The following EIF4G1 variants were observed in gnomAD, a reference collection of about 807,000 sequenced individuals.
EIF4G1 encodes eukaryotic translation initiation factor 4 gamma 1, also known as EIF4-gamma.
EIF4G1 carries 4 observed loss-of-function variants against 187.8 expected under a neutral mutation model. The ratio of observed to expected loss-of-function variants is 0.02; its 90% CI spans 0.01 to 0.05. The LOEUF is 0.05. EIF4G1 is among the 10% of genes least tolerant of loss of function. The probability of loss-of-function intolerance (pLI) is 1.00; values close to 1 mark genes in which losing one functional copy is unlikely to be tolerated. For synonymous variants in EIF4G1, 844 were observed against 781.4 expected (o/e 1.08, Z -1.34); for missense variants, 1,647 against 2,081.1 (o/e 0.79, Z 4.06).
At chr3:184,321,108 GT>G (rs1723827416) in intron 9 of EIF4G1, 115 bp downstream of exon 9, 2 of 1,507,486 alleles carry the variant, frequency 1.3e-6, no homozygotes, top group Non-Finnish European at 1.8e-6. Flanking sequence ...TAGATTTCAG[GT>G]TGTGGGATTT....
intron 17 of EIF4G1, among the ~76,000 whole-genome samples, 196 bp downstream of exon 17, chr3:184,324,543 T>A (rs571419355): frequency 6.6e-6 from 1 of 152,216 alleles, no homozygotes; most frequent in South Asian, 2.1e-4. Context: ...TTGGCTAGCC[T>A]CCACCTCCTG....
intron 28 of EIF4G1, among the ~76,000 whole-genome samples, chr3:184,329,994 C>G (rs1008477953): frequency 1.3e-5 from 2 of 152,196 alleles, no homozygotes; most frequent in Admixed American, 6.5e-5. Flanking sequence ...TGTACCAGGA[C>G]AAGTTGTTTT....
Position 184,325,832 on chromosome 3 carries a change from G to T in EIF4G1, c.3122-19G>T. The T allele has an allele frequency of 6.2e-7, 1 of 1,614,084 alleles. No homozygotes were observed. Among genetic ancestry groups the T allele is most frequent in the Non-Finnish European group, 8.5e-7 (1 of 1,179,954 alleles). ...TAGGATTTATTCATTATTCCAGTAT[G>T]CCCCTCTTTTTGTGTCAGGCCGTGG... On this transcript the variant is annotated intron_variant, in intron 20 of 32. Transcript: ENST00000346169. This position sits in a 1 kb window ranked among gnomAD's most constrained non-coding sequence, Gnocchi z 5.2.
rs1302181822 is a variant in EIF4G1, at chr3:184,335,301, CA to C, written c.*394del. On this transcript the variant is annotated 3_prime_UTR_variant, in exon 33 of 33. Coordinates refer to ENST00000346169, the MANE Select transcript of EIF4G1 (RefSeq NM_198241.3). Reference sequence around the variant, plus strand: ...TGTACCACCCCTGCTGTTGCCTGGGCAGGGGGAAGGGGGGGCACGGTGCCTG... The same window carrying C: ...TGTACCACCCCTGCTGTTGCCTGGGCGGGGGAAGGGGGGGCACGGTGCCTG... The C allele has an allele frequency of 8.2e-6, 2 of 243,432 alleles. No individual in the cohort carries two copies. The allele number at this position is 243,432 out of a possible 1,614,324, so 15.1% of individuals were successfully genotyped here. A position where few individuals can be genotyped will look rare whatever the true frequency, so the allele number is the denominator to read the frequency against.
rs1393723249 is a variant in EIF4G1 at position 184,325,716 on chromosome 3, T to C, written c.3121+77T>C. 1.2e-6 allele frequency: 2 copies of C among 1,612,406 alleles called. No homozygotes were observed. Among genetic ancestry groups the C allele is most frequent in the Non-Finnish European group, 1.7e-6 (2 of 1,178,662 alleles). On this transcript the variant is annotated intron_variant, in intron 20 of 32. Coordinates refer to ENST00000346169, the MANE Select transcript of EIF4G1 (RefSeq NM_198241.3). This position sits in a 1 kb window ranked among gnomAD's most constrained non-coding sequence, Gnocchi z 5.2. Reference sequence around the variant, plus strand: ...ATACTTTCCTCTGATGACTTCCTGTTAGTGCCACGTGTCTGGGCCACTGAG... The same window carrying C: ...ATACTTTCCTCTGATGACTTCCTGTCAGTGCCACGTGTCTGGGCCACTGAG...
At chr3:184,315,687 C>G in intron 2 of EIF4G1, 76 bp from the exon 3 acceptor site, 1 of 1,112,336 alleles carries the variant, frequency 9.0e-7, no homozygotes, top group East Asian at 2.6e-5. Context: ...CCAGCCCTTG[C>G]ATCAACCCTT....
In EIF4G1 at chr3:184,323,153, C is replaced by T. The variant is rs746117763; in HGVS notation, c.2000C>T (p.Thr667Ile). Residue 667 changes from threonine (T) to isoleucine (I), a missense_variant, in exon 14 of 33, where the codon ACT becomes ATT. Transcript: ENST00000346169. This position sits in a 1 kb window ranked among gnomAD's most constrained non-coding sequence, Gnocchi z 6.9. ...LQGINCGPDFTPSFANLGRTT... is the reference protein window; with the variant it reads ...LQGINCGPDFIPSFANLGRTT... ...GGCATAAATTGTGGCCCAGACTTCA[C>T]TCCATCCTTTGCCAACCTTGGCCGG... 1 of 1,614,256 alleles carries T rather than the reference C, an allele frequency of 6.2e-7. No individual in the cohort carries two copies. Among genetic ancestry groups the T allele is most frequent in the Non-Finnish European group, 8.5e-7 (1 of 1,180,050 alleles).
chr3:184,329,167 A>G, intron 28 of EIF4G1, 177 bp downstream of exon 28: 1 of 725,248 alleles, frequency 1.4e-6, no homozygotes, highest in Non-Finnish European at 2.3e-6. Flanking sequence ...AGTTCCTATC[A>G]TGAGTTCTGG....
intron 10 of EIF4G1, 129 bp downstream of exon 10, chr3:184,322,232 T>G (rs1560215328): frequency 1.4e-5 from 22 of 1,548,344 alleles, no homozygotes; most frequent in Non-Finnish European, 1.9e-5. Flanking sequence ...GATTAAGGAC[T>G]TTTAAGCCTA....
Position 184,327,416 on chromosome 3 carries a change from T to G in EIF4G1, c.3629T>G (p.Leu1210Arg). Reference sequence around the variant, plus strand: ...GAGGGGCTGCGCAAGGCAGCTAGCCTCACGGAGGATCGGGACCGTGGGCGG... The same window carrying G: ...GAGGGGCTGCGCAAGGCAGCTAGCCGCACGGAGGATCGGGACCGTGGGCGG... ...QPEGLRKAAS[L>R]TEDRDRGRDA... Residue 1210 changes from leucine (L) to arginine (R), a missense_variant, in exon 24 of 33, where the codon CTC becomes CGC. By Grantham distance (102) the Leu-to-Arg change is moderately radical. Transcript: ENST00000346169. The G allele has an allele frequency of 3.7e-6, 6 of 1,613,498 alleles. No individual in the cohort carries two copies. Among genetic ancestry groups the G allele is most frequent in the Non-Finnish European group, 4.2e-6 (5 of 1,179,912 alleles).
Position 184,328,739 on chromosome 3 carries a change from C to T in EIF4G1, c.4062C>T (p.Pro1354=). 1 of 1,614,148 alleles carries T rather than the reference C, an allele frequency of 6.2e-7. No homozygotes were observed. Among genetic ancestry groups the T allele is most frequent in the Non-Finnish European group, 8.5e-7 (1 of 1,180,032 alleles). The change falls in exon 27 of 33, where the codon CCC becomes CCT. Residue 1354 remains proline (P), a synonymous_variant. Coordinates refer to ENST00000346169, the MANE Select transcript of EIF4G1 (RefSeq NM_198241.3). Reference sequence around the variant, plus strand: ...CCATTCTGCAGGAAGGTGGGGTGCCCATGGGGGAGCTGTTCAGGTAAGTCC... The same window carrying T: ...CCATTCTGCAGGAAGGTGGGGTGCCTATGGGGGAGCTGTTCAGGTAAGTCC... ...VTPILQEGGV[P]MGELFREITK...
intron 6 of EIF4G1, among the ~76,000 whole-genome samples, chr3:184,318,882 G>A (rs1417397876): frequency 5.9e-5 from 9 of 152,002 alleles, no homozygotes; most frequent in Admixed American, 5.9e-4. Flanking sequence ...TGAGATTATA[G>A]GCGTGAGCCA....
rs759750384 is a variant in EIF4G1 at position 184,321,917 on chromosome 3, G to C, written c.1333G>C (p.Ala445Pro). The C allele has an allele frequency of 1.3e-5, 21 of 1,614,066 alleles. No individual in the cohort carries two copies. Among genetic ancestry groups the C allele is most frequent in the Non-Finnish European group, 1.8e-5 (21 of 1,180,042 alleles). ...PTIPSATPAT[A>P]PSATSPAQEE... Reference sequence around the variant, plus strand: ...CATCCCCTCTGCTACTCCAGCTACGGCTCCTTCAGCTACTTCCCCAGCTCA... The same window carrying C: ...CATCCCCTCTGCTACTCCAGCTACGCCTCCTTCAGCTACTTCCCCAGCTCA... The change falls in exon 10 of 33, where the codon GCT becomes CCT. Residue 445 changes from alanine to proline, a missense_variant. Physicochemically the swap from Ala to Pro is conservative, Grantham distance 27. This residue lies in a region of EIF4G1 where 522 missense variants were observed against 485.2 expected (regional missense o/e 1.08). Coordinates refer to ENST00000346169, the MANE Select transcript of EIF4G1 (RefSeq NM_198241.3).
intron 6 of EIF4G1, 112 bp from the exon 7 acceptor site, chr3:184,319,577 G>T: frequency 1.3e-6 from 1 of 757,834 alleles, no homozygotes; most frequent in South Asian, 1.5e-5. Context: ...GGCAAGGCAA[G>T]GGGCCGGCTG....
chr3:184,320,292 C>T, intron 7 of EIF4G1: 7 of 1,263,130 alleles, frequency 5.5e-6, no homozygotes, highest in Non-Finnish European at 7.1e-6. Flanking sequence ...GGCACACTAG[C>T]CACAAGTGAG....
intron 5 of EIF4G1, 56 bp downstream of exon 5, chr3:184,317,553 C>T (rs944274636): frequency 6.2e-7 from 1 of 1,602,000 alleles, no homozygotes; most frequent in Non-Finnish European, 8.5e-7. Context: ...TCTCACTTAA[C>T]TCACCCTGAC....
At chr3:184,327,022 G>T in intron 23 of EIF4G1, 39 bp downstream of exon 23, 1 of 1,612,350 alleles carries the variant, frequency 6.2e-7, no homozygotes, top group Non-Finnish European at 8.5e-7. Context: ...CACACTGGGG[G>T]TACCGTGATT....
chr3:184,321,087 G>A, intron 9 of EIF4G1, 94 bp downstream of exon 9: 2 of 1,520,030 alleles, frequency 1.3e-6, no homozygotes, highest in Non-Finnish European at 1.8e-6. Flanking sequence ...GGGTACCAGA[G>A]AATGATGACT....
chr3:184,331,124 A>T, intron 28 of EIF4G1, 142 bp from the exon 29 acceptor site: 1 of 887,576 alleles, frequency 1.1e-6, no homozygotes, highest in Non-Finnish European at 1.9e-6. Context: ...GGCTTTGCCT[A>T]TTAGTATTTC....
Sources: gnomAD v4.1 joint callset for allele counts (sites outside exome capture counted in the v4.1 genomes callset) on GRCh38, gnomAD v4.1.1 for gene constraint, gnomAD v4.1.1 regional missense constraint, Gnocchi (gnomAD v3.1) non-coding constraint, MANE v1.5 for transcripts, NCBI Gene and HGNC (gene_info 2026-07-23, HGNC 2026-07-21) for gene names.